Variants in CSMD1 observed in about 807,000 individuals in gnomAD.
CSMD1 encodes the protein CUB and Sushi multiple domains 1.
A neutral mutation model predicts 417.5 loss-of-function variants in CSMD1; 213 were observed. That is an observed-to-expected ratio of 0.51 (90% CI 0.46 to 0.57). The LOEUF (loss-of-function observed/expected upper bound fraction) is 0.57, where lower values mean the gene tolerates loss of function less well. Among genes scored for constraint, CSMD1 ranks in the 20% least tolerant of loss-of-function variants. The pLI is 0.00. For synonymous variants in CSMD1, 2,862 were observed against 1,736.8 expected, an observed-to-expected ratio of 1.65 and a Z score of -16.11; for missense variants, 6,923 against 4,529.7, an observed-to-expected ratio of 1.53 and a Z score of -15.17.
chr8:3,307,640 G>C (rs1180335087), intron 25 of CSMD1, 55 bp downstream of exon 25: 3 of 1,561,874 alleles, frequency 1.9e-6, no homozygotes, highest in African/African-American at 1.4e-5. Flanking sequence ...TCTGCTACAA[G>C]AATAGAAGGC....
At chr8:4,466,909 T>G (rs1198710672) in intron 2 of CSMD1, among the ~76,000 whole-genome samples, 5 of 151,496 alleles carry the variant, frequency 3.3e-5, no homozygotes, top group African/African-American at 4.8e-5. Context: ...AATTTTACAG[T>G]GTGTTTTTAC....
chr8:4,232,445 C>A (rs1801794359), intron 3 of CSMD1, among the ~76,000 whole-genome samples: 1 of 152,104 alleles, frequency 6.6e-6, no homozygotes. Context: ...GTGATCTGCC[C>A]ACCTCAGATT....
chr8:3,636,424 C>T (rs895261587), intron 7 of CSMD1, among the ~76,000 whole-genome samples: 17 of 152,112 alleles, frequency 1.1e-4, no homozygotes, highest in African/African-American at 3.9e-4. Flanking sequence ...GTGATCCGCC[C>T]GCCTCAGCCT....
intron 23 of CSMD1, among the ~76,000 whole-genome samples, chr8:3,341,914 G>A (rs1807682847): frequency 6.6e-6 from 1 of 152,138 alleles, no homozygotes; most frequent in Admixed American, 6.5e-5. Context: ...ACAGGGACGA[G>A]AAGTGGAAAA....
intron 5 of CSMD1, among the ~76,000 whole-genome samples, chr8:3,803,669 C>T (rs995333499): frequency 1.3e-5 from 2 of 152,142 alleles, no homozygotes; most frequent in South Asian, 2.1e-4. Flanking sequence ...GCCAGAGTGG[C>T]ACCACGCAGA....
intron 33 of CSMD1, among the ~76,000 whole-genome samples, chr8:3,194,368 G>C (rs1393565465): frequency 1.3e-5 from 2 of 150,904 alleles, no homozygotes; most frequent in Non-Finnish European, 3.0e-5. Context: ...ATATTTCTGT[G>C]TTTTTAGGTC....
intron 6 of CSMD1, among the ~76,000 whole-genome samples, chr8:3,715,080 T>C (rs899217908): frequency 6.6e-6 from 1 of 152,198 alleles, no homozygotes; most frequent in African/African-American, 2.4e-5. Flanking sequence ...ATTTTAACAT[T>C]TCTTCATTAG....
At chr8:3,429,570 C>G (rs78183720) in intron 12 of CSMD1, among the ~76,000 whole-genome samples, 1 of 152,100 alleles carries the variant, frequency 6.6e-6, no homozygotes. Context: ...ATGAGGTATT[C>G]GCACTCTGGG....
intron 10 of CSMD1, among the ~76,000 whole-genome samples, chr8:3,570,606 C>T (rs1173338285): frequency 1.3e-5 from 2 of 152,154 alleles, no homozygotes; most frequent in African/African-American, 2.4e-5. Flanking sequence ...AATGCTATCA[C>T]GGAGCTACTG....
chr8:3,755,566 G>C (rs1336237515), intron 5 of CSMD1, among the ~76,000 whole-genome samples: 5 of 152,072 alleles, frequency 3.3e-5, no homozygotes, highest in South Asian at 2.1e-4. Context: ...TGGTAAAGCT[G>C]AGGACCTGAT....
intron 7 of CSMD1, among the ~76,000 whole-genome samples, chr8:3,642,537 C>T (rs1182670926): frequency 6.6e-6 from 1 of 152,078 alleles, no homozygotes; most frequent in African/African-American, 2.4e-5. Context: ...TCAAGTGTCT[C>T]CAAAGATAAA....
intron 2 of CSMD1, among the ~76,000 whole-genome samples, chr8:4,598,611 A>G (rs973042712): frequency 5.9e-5 from 9 of 152,220 alleles, no homozygotes; most frequent in Non-Finnish European, 1.2e-4. Context: ...ATTTGTTTCT[A>G]TATTAAATCA....
At chr8:2,988,924 T>C (rs1033778566) in intron 54 of CSMD1, among the ~76,000 whole-genome samples, 3 of 152,124 alleles carry the variant, frequency 2.0e-5, no homozygotes, top group Non-Finnish European at 2.9e-5. Context: ...AGCACGGATT[T>C]ACCTGGGGCT....
chr8:4,683,688 T>A (rs1806187759), intron 1 of CSMD1, among the ~76,000 whole-genome samples: 1 of 152,218 alleles, frequency 6.6e-6, no homozygotes, highest in Non-Finnish European at 1.5e-5. Context: ...GTGGCTCTGT[T>A]TCCTTGGGGT....
chr8:3,973,701 G>C (rs562006794), intron 5 of CSMD1, among the ~76,000 whole-genome samples: 2 of 152,200 alleles, frequency 1.3e-5, no homozygotes, highest in African/African-American at 2.4e-5. Flanking sequence ...GTGAATGCAA[G>C]ACCTTTATCA....
chr8:3,144,275 G>C (rs890606613), intron 40 of CSMD1, among the ~76,000 whole-genome samples: 8 of 144,304 alleles, frequency 5.5e-5, no homozygotes, highest in South Asian at 2.5e-4. Flanking sequence ...TTTCTGGTTT[G>C]GTATGCCAAT....
chr8:3,441,235 T>C (rs1013038520), intron 12 of CSMD1, among the ~76,000 whole-genome samples: 5 of 152,048 alleles, frequency 3.3e-5, no homozygotes, highest in African/African-American at 1.2e-4. Flanking sequence ...GACACCTTGA[T>C]TTTGGACTTG....
chr8:4,908,637 G>C (rs9987242), intron 1 of CSMD1, among the ~76,000 whole-genome samples: 1 of 150,866 alleles, frequency 6.6e-6, no homozygotes, highest in South Asian at 2.1e-4. Flanking sequence ...GCTATATTCA[G>C]TCTAGCAATG....
chr8:2,992,274 C>T (rs1000752217), intron 54 of CSMD1, among the ~76,000 whole-genome samples: 5 of 152,092 alleles, frequency 3.3e-5, no homozygotes, highest in African/African-American at 1.2e-4. Flanking sequence ...GAAATGGGGA[C>T]TGCTTATGGG....
Sources: allele counts gnomAD v4.1 joint callset (sites outside exome capture counted in the v4.1 genomes callset), GRCh38; gene constraint gnomAD v4.1.1; transcripts MANE v1.5; gene names NCBI Gene and HGNC (gene_info 2026-07-23, HGNC 2026-07-21).